AASS: variants seen among roughly 807,000 people sequenced by gnomAD.
AASS encodes alpha-aminoadipic semialdehyde synthase, mitochondrial.
A neutral mutation model predicts 105.4 loss-of-function variants in AASS; 86 were observed. The ratio of observed to expected loss-of-function variants is 0.82; its 90% confidence interval spans 0.69 to 0.98. AASS has a LOEUF of 0.98. Ranked by LOEUF, AASS falls within the 50% of genes least tolerant of loss-of-function variation. The probability of loss-of-function intolerance (pLI) is 0.00; values close to 1 mark genes in which losing one functional copy is unlikely to be tolerated. For synonymous variants in AASS, 381 were observed against 394.8 expected (o/e 0.96, Z 0.41); for missense variants, 1,048 against 1,143.2 (o/e 0.92, Z 1.20).
intron 4 of AASS, among the ~76,000 whole-genome samples, chr7:122,121,583 T>C (rs1795441787): frequency 6.6e-6 from 1 of 152,102 alleles, no homozygotes. Context: ...TTTGTAGAGA[T>C]GGGACTTCAT....
Position 122,078,857 on chromosome 7 carries a change from C to T in AASS, c.2485+5G>A. On this transcript the variant is annotated splice_donor_5th_base_variant and intron_variant, in intron 22 of 23. Transcript: ENST00000417368. ...GGTATATTTAGCTAATACTTCATGG[C>T]CTACCATAGGAAAGCTTCATGACCA... is the stretch of plus-strand genomic sequence containing the variant. 2 of 1,612,556 alleles carry T rather than the reference C, an allele frequency of 1.2e-6. No individual in the cohort carries two copies. The highest frequency in any genetic ancestry group is 1.7e-6 in the Non-Finnish European group (2 of 1,178,668).
Position 122,120,282 on chromosome 7 carries a change from T to C in AASS, c.473-1652A>G, listed in dbSNP as rs111511484. Among the ~76,000 whole-genome samples, 590 of 152,280 alleles carry C rather than the reference T, an allele frequency of 3.9e-3. 4 individuals carry two copies. The highest frequency in any genetic ancestry group is 0.013 in the African/African-American group (561 of 41,578). Reference sequence around the variant, plus strand: ...TACCTTGATACTTAAGTTTTCAATTTCTTCTTGAGCTGATTTTGGTAATTT... The same window carrying C: ...TACCTTGATACTTAAGTTTTCAATTCCTTCTTGAGCTGATTTTGGTAATTT... On this transcript the variant is annotated intron_variant, in intron 4 of 23. Coordinates refer to ENST00000417368, the MANE Select transcript of AASS (RefSeq NM_005763.4).
At chr7:122,092,593 G>A (rs945550424) in intron 17 of AASS, among the ~76,000 whole-genome samples, 2 of 152,016 alleles carry the variant, frequency 1.3e-5, no homozygotes, top group African/African-American at 2.4e-5. Context: ...GCATGGTGGT[G>A]CGTGCCTGTA....
intron 19 of AASS, among the ~76,000 whole-genome samples, chr7:122,085,651 T>G (rs368566540): frequency 2.1e-4 from 32 of 152,252 alleles, no homozygotes; most frequent in African/African-American, 7.7e-4. Context: ...CCACTGAATT[T>G]GATCCTGAGA....
At chr7:122,123,087 A>G (rs1795508710) in intron 4 of AASS, among the ~76,000 whole-genome samples, 1 of 152,208 alleles carries the variant, frequency 6.6e-6, no homozygotes, top group Admixed American at 6.5e-5. Context: ...ACAGTTTTCC[A>G]TAGAGTTCCC....
chr7:122,093,853 C>A (rs1328469141), intron 15 of AASS, among the ~76,000 whole-genome samples: 1 of 151,730 alleles, frequency 6.6e-6, no homozygotes, highest in Non-Finnish European at 1.5e-5. Context: ...AAACAAAAAC[C>A]GTGAATTGGA....
chr7:122,100,951 A>G (rs1156694436), intron 13 of AASS, among the ~76,000 whole-genome samples: 1 of 151,882 alleles, frequency 6.6e-6, no homozygotes, highest in Non-Finnish European at 1.5e-5. Context: ...TTCCCTGAAC[A>G]TTATACTAAA....
intron 15 of AASS, among the ~76,000 whole-genome samples, chr7:122,096,510 C>A (rs1794160993): frequency 6.6e-6 from 1 of 151,926 alleles, no homozygotes; most frequent in Admixed American, 6.6e-5. Context: ...TGCCTGTAGT[C>A]CCAGCTACTT....
Position 122,091,297 on chromosome 7 carries a change from T to A in AASS, c.2016+406A>T, listed in dbSNP as rs184046684. The stretch of plus-strand genomic sequence containing the variant: ...CAAACCCTCCATTCCAAGAGCCCCA[T>A]CCCCAGTCCAGCTGTGAGCTTTCTG... On this transcript the variant is annotated intron_variant, in intron 18 of 23. Coordinates refer to ENST00000417368, the MANE Select transcript of AASS (RefSeq NM_005763.4). Among the ~76,000 whole-genome samples, 21 of 152,258 alleles carry A rather than the reference T, an allele frequency of 1.4e-4. 1 individual carries two copies. In the East Asian group the frequency reaches 2.7e-3, roughly 20 times the overall value.
At chr7:122,113,049 A>T (rs1034960002) in intron 11 of AASS, 69 bp downstream of exon 11, 8 of 1,271,682 alleles carry the variant, frequency 6.3e-6, no homozygotes, top group African/African-American at 5.9e-5. Context: ...AGACCAGAAC[A>T]TTCACAGAAT....
At chr7:122,107,687 G>A (rs1182612112) in intron 11 of AASS, among the ~76,000 whole-genome samples, 1 of 152,098 alleles carries the variant, frequency 6.6e-6, no homozygotes, top group Non-Finnish European at 1.5e-5. Flanking sequence ...TTATAAGCAG[G>A]AGCTAAATGA....
At chr7:122,113,769 C>T (rs777928352) in intron 9 of AASS, 49 bp from the exon 10 acceptor site, 1 of 1,600,576 alleles carries the variant, frequency 6.2e-7, no homozygotes, top group South Asian at 1.1e-5. Context: ...TCTGAAGTCT[C>T]CAACAAGACT....
chr7:122,101,797 CTGAGGAT>C lies in AASS; in HGVS notation c.1279-124_1279-118del, dbSNP rs1404974143. 7.6e-4 allele frequency: 615 copies of C among 806,182 alleles called. 4 individuals carry two copies. The highest frequency in any genetic ancestry group is 3.9e-3 in the South Asian group (257 of 65,940). 49.9% of individuals were successfully genotyped at this position (806,182 alleles called of 1,614,324 possible). On this transcript the variant is annotated intron_variant, in intron 11 of 23. Coordinates refer to ENST00000417368, the MANE Select transcript of AASS (RefSeq NM_005763.4). Reference sequence around the variant, plus strand: ...AAAAAATAATTTAAGAAACAGTTTTCTGAGGATCACCGAGTATAAGTGATTGCTAATA... The same window carrying C: ...AAAAAATAATTTAAGAAACAGTTTTCCACCGAGTATAAGTGATTGCTAATA...
chr7:122,076,129 G>C lies in AASS; in HGVS notation c.*360C>G. On this transcript the variant is annotated 3_prime_UTR_variant, in exon 24 of 24. Transcript: ENST00000417368. ...GCGGAGCTTGCAGTGAGCCGAGATCGCGCCACTGCACTCCAGCCTGGGTGA... is the reference window on the plus strand; with the variant it reads ...GCGGAGCTTGCAGTGAGCCGAGATCCCGCCACTGCACTCCAGCCTGGGTGA... 1 of 226,276 alleles carries C rather than the reference G, an allele frequency of 4.4e-6. No homozygotes were observed. 14.0% of individuals were successfully genotyped at this position (226,276 alleles called of 1,614,324 possible). A position where few individuals can be genotyped will look rare whatever the true frequency, so the allele number is the denominator to read the frequency against.
In AASS at chr7:122,118,572, T is replaced by C. The variant is rs775108631; in HGVS notation, c.531A>G (p.Thr177=). Residue 177 remains threonine, a synonymous_variant, in exon 5 of 24, where the codon ACA becomes ACG. Coordinates refer to ENST00000417368, the MANE Select transcript of AASS (RefSeq NM_005763.4). ...AATAAACATCTCTTACCATAAAAGG[T>C]GTGTGATGTCCCAAAGCAAGGAGCC... ...GLRLLALGHH[T]PFMHIGMAHN... is the part of the protein sequence containing the mutation. 3.7e-6 allele frequency: 6 copies of C among 1,614,078 alleles called. No homozygotes were observed. The highest frequency in any genetic ancestry group is 5.1e-6 in the Non-Finnish European group (6 of 1,180,002).
At chr7:122,117,005 C>T in intron 6 of AASS, 48 bp from the exon 7 acceptor site, 1 of 1,517,458 alleles carries the variant, frequency 6.6e-7, no homozygotes, top group Non-Finnish European at 9.1e-7. Flanking sequence ...AGAAAAAGAA[C>T]CAACATGGTT....
At position 122,125,297 on chromosome 7, in the gene AASS, C is replaced by T. The variant is rs1795607473; in HGVS notation, c.472+1078G>A. Among the ~76,000 whole-genome samples, 12 of 152,102 alleles carry T rather than the reference C, an allele frequency of 7.9e-5. No homozygotes were observed. The South Asian group carries it at 2.5e-3, about 32-fold the overall frequency. ...TTATTATTTAAAAAGCAGGTGGATG[C>T]AAGTATAATATTAATAATAAGCAGA... On this transcript the variant is annotated intron_variant, in intron 4 of 23. Transcript: ENST00000417368.
chr7:122,089,881 C>G (rs1793812623), intron 18 of AASS, among the ~76,000 whole-genome samples: 1 of 152,138 alleles, frequency 6.6e-6, no homozygotes. Flanking sequence ...TCAACTGAGG[C>G]AAGAATTTGT....
chr7:122,126,941 C>A (rs1402383140), intron 3 of AASS, among the ~76,000 whole-genome samples: 1 of 152,154 alleles, frequency 6.6e-6, no homozygotes, highest in Non-Finnish European at 1.5e-5. Context: ...CATTCTTTCT[C>A]AACCATTCTA....
Sources: allele counts gnomAD v4.1 joint callset (sites outside exome capture counted in the v4.1 genomes callset), GRCh38; gene constraint gnomAD v4.1.1; transcripts MANE v1.5; gene names NCBI Gene and HGNC (gene_info 2026-07-23, HGNC 2026-07-21).